TNKS: variants seen among roughly 807,000 people sequenced by gnomAD.
TNKS encodes poly [ADP-ribose] polymerase tankyrase-1.
A neutral mutation model predicts 135.8 loss-of-function variants in TNKS; 72 were observed. That is an observed-to-expected ratio of 0.53 (90% CI 0.44 to 0.64). TNKS has a LOEUF of 0.64. Ranked by LOEUF, TNKS falls within the 30% of genes least tolerant of loss-of-function variation. The pLI, the probability that TNKS is intolerant of heterozygous loss-of-function variation, is 0.00. For synonymous variants in TNKS, 849 were observed against 649.3 expected (o/e 1.31, Z -4.68); for missense variants, 1,769 against 1,674.0 (o/e 1.06, Z -0.99).
At chr8:9,766,982 T>C (rs1807487197) in intron 25 of TNKS, among the ~76,000 whole-genome samples, 1 of 152,174 alleles carries the variant, frequency 6.6e-6, no homozygotes, top group Non-Finnish European at 1.5e-5. Context: ...ACTCCCTGCA[T>C]CTTGGCTTTC....
chr8:9,617,758 A>G (rs1371968570), intron 3 of TNKS, among the ~76,000 whole-genome samples: 4 of 152,186 alleles, frequency 2.6e-5, no homozygotes, highest in African/African-American at 7.2e-5. Flanking sequence ...TCTGAGTAAT[A>G]TGTCATTCTT....
chr8:9,644,999 T>C (rs1197328759), intron 3 of TNKS, among the ~76,000 whole-genome samples: 1 of 152,204 alleles, frequency 6.6e-6, no homozygotes, highest in Non-Finnish European at 1.5e-5. Flanking sequence ...AGCTATGATG[T>C]ATCATGGGTT....
chr8:9,631,303 T>G (rs1326134112), intron 3 of TNKS, among the ~76,000 whole-genome samples: 3 of 152,222 alleles, frequency 2.0e-5, no homozygotes, highest in Non-Finnish European at 2.9e-5. Flanking sequence ...TGAGCCATTT[T>G]AGGGTGTGTA....
At chr8:9,594,268 G>C (rs1563102672) in intron 2 of TNKS, among the ~76,000 whole-genome samples, 2 of 152,158 alleles carry the variant, frequency 1.3e-5, no homozygotes, top group African/African-American at 2.4e-5. Context: ...AGAAGTGATA[G>C]TTGCCCATTA....
intron 2 of TNKS, among the ~76,000 whole-genome samples, chr8:9,610,597 C>G (rs1799424159): frequency 6.6e-6 from 1 of 152,022 alleles, no homozygotes; most frequent in Admixed American, 6.5e-5. Context: ...TAAAAATTTT[C>G]TTTGCTTAAA....
At chr8:9,761,330 A>G (rs1170076002) in intron 20 of TNKS, among the ~76,000 whole-genome samples, 186 bp from the exon 21 acceptor site, 1 of 152,252 alleles carries the variant, frequency 6.6e-6, no homozygotes, top group African/African-American at 2.4e-5. Flanking sequence ...GAGTACTTCA[A>G]GTAAGCAGAA....
chr8:9,657,432 C>T (rs1372820432), intron 3 of TNKS, among the ~76,000 whole-genome samples: 3 of 97,866 alleles, frequency 3.1e-5, no homozygotes, highest in South Asian at 4.6e-4. Context: ...AGGGCTGACC[C>T]CCCCACCTCC....
At chr8:9,769,211 C>T (rs1436534197) in intron 25 of TNKS, among the ~76,000 whole-genome samples, 3 of 152,142 alleles carry the variant, frequency 2.0e-5, no homozygotes, top group East Asian at 3.9e-4. Flanking sequence ...GGCTGTGTGC[C>T]AATAAAATTG....
At chr8:9,679,772 C>G in intron 3 of TNKS, 179 bp from the exon 4 acceptor site, 1 of 519,180 alleles carries the variant, frequency 1.9e-6, no homozygotes, top group Non-Finnish European at 3.5e-6. Context: ...TGCTGCCCGT[C>G]TCCAAGGCAC....
intron 2 of TNKS, among the ~76,000 whole-genome samples, chr8:9,608,763 G>C (rs1267835920): frequency 2.0e-5 from 3 of 152,128 alleles, no homozygotes; most frequent in Non-Finnish European, 4.4e-5. Context: ...ACCATGTTCT[G>C]CTTTGACTCT....
At chr8:9,721,406 C>T (rs570133875) in intron 12 of TNKS, among the ~76,000 whole-genome samples, 269 of 150,802 alleles carry the variant, frequency 1.8e-3, no homozygotes, top group African/African-American at 6.3e-3. Context: ...TACTGGCTTC[C>T]TAAGTCCCAA....
At chr8:9,719,712 A>G (rs1278592782) in intron 11 of TNKS, among the ~76,000 whole-genome samples, 2 of 152,176 alleles carry the variant, frequency 1.3e-5, no homozygotes, top group Admixed American at 1.3e-4. Context: ...GCTGGAAGAT[A>G]AGATGAGTCA....
chr8:9,769,209 G>C (rs1807650037), intron 25 of TNKS, among the ~76,000 whole-genome samples: 1 of 152,184 alleles, frequency 6.6e-6, no homozygotes, highest in African/African-American at 2.4e-5. Flanking sequence ...ATGGCTGTGT[G>C]CCAATAAAAT....
At chr8:9,687,004 C>T (rs920171395) in intron 5 of TNKS, among the ~76,000 whole-genome samples, 5 of 152,140 alleles carry the variant, frequency 3.3e-5, no homozygotes, top group Non-Finnish European at 7.4e-5. Context: ...ATTGAATTTC[C>T]TAAGTGACTG....
chr8:9,583,253 T>C (rs1033046676), intron 2 of TNKS, among the ~76,000 whole-genome samples: 1 of 150,068 alleles, frequency 6.7e-6, no homozygotes, highest in African/African-American at 2.5e-5. Flanking sequence ...AAGAAGAAAA[T>C]TCAAACTGAG....
chr8:9,735,145 C>G, intron 16 of TNKS, 61 bp downstream of exon 16: 3 of 1,507,168 alleles, frequency 2.0e-6, no homozygotes, highest in South Asian at 1.3e-5. Context: ...ATACAGTTTA[C>G]TAAAAGACGA....
intron 8 of TNKS, 73 bp downstream of exon 8, chr8:9,707,070 T>G: frequency 7.8e-7 from 1 of 1,283,312 alleles, no homozygotes; most frequent in Non-Finnish European, 1.0e-6. Context: ...TTATCTACCT[T>G]AAATAATAAC....
At chr8:9,585,458 G>C (rs1380594250) in intron 2 of TNKS, among the ~76,000 whole-genome samples, 1 of 152,110 alleles carries the variant, frequency 6.6e-6, no homozygotes. Context: ...CTCCATATGA[G>C]ATTGATGAGA....
At chr8:9,654,757 A>C (rs547173257) in intron 3 of TNKS, among the ~76,000 whole-genome samples, 3 of 152,308 alleles carry the variant, frequency 2.0e-5, no homozygotes, top group Non-Finnish European at 2.9e-5. Context: ...AAAAGTATCT[A>C]CTTGGGGGTG....
Sources: gnomAD v4.1 joint callset for allele counts (sites outside exome capture counted in the v4.1 genomes callset) on GRCh38, gnomAD v4.1.1 for gene constraint, MANE v1.5 for transcripts, NCBI Gene and HGNC (gene_info 2026-07-23, HGNC 2026-07-21) for gene names.